Variants in ADAMTS16 observed in about 807,000 individuals in gnomAD.
ADAMTS16 encodes the protein A disintegrin and metalloproteinase with thrombospondin motifs 16.
ADAMTS16 carries 94 observed loss-of-function variants against 145.8 expected under a neutral mutation model. The observed-to-expected ratio is 0.64, with a 90% CI of 0.55 to 0.77. The LOEUF is 0.77. ADAMTS16 is among the 30% of genes least tolerant of loss of function. The probability of loss-of-function intolerance (pLI) is 0.00; values close to 1 mark genes in which losing one functional copy is unlikely to be tolerated. For synonymous variants in ADAMTS16, 659 were observed against 604.3 expected (o/e 1.09, Z -1.33); for missense variants, 1,585 against 1,591.5 (o/e 1.00, Z 0.07).
intron 3 of ADAMTS16, chr5:5,176,087 C>G (rs1223027288): frequency 6.6e-6 from 1 of 152,242 alleles, no homozygotes; most frequent in Non-Finnish European, 1.5e-5. Context: ...AAGCTTCTGT[C>G]TGGCCATCTG....
Position 5,146,171 on chromosome 5 carries a change from G to A in ADAMTS16, c.217G>A (p.Asp73Asn). Residue 73 changes from aspartate (D) to asparagine (N), a missense_variant, in exon 3 of 23, where the codon GAT (aspartate) becomes AAT (asparagine). Around this residue, in one of 3 missense-constraint regions of ADAMTS16, gnomAD observed 453 missense variants for 412.1 expected, o/e 1.10. Transcript: ENST00000274181. ...VSAYEVDHRG[D>N]YVSHEIMHHQ... is the part of the protein sequence containing the mutation. ...TGCCTACGAGGTTGACCACAGGGGCGATTACGTGTCCCATGAAATCATGCA... is the reference window on the plus strand; with the variant it reads ...TGCCTACGAGGTTGACCACAGGGGCAATTACGTGTCCCATGAAATCATGCA... 6.2e-7 allele frequency: 1 copy of A among 1,614,136 alleles called. No homozygotes were observed. Among genetic ancestry groups the A allele is most frequent in the Non-Finnish European group, 8.5e-7 (1 of 1,180,048 alleles).
At chr5:5,189,401 C>A (rs1735596117) in intron 6 of ADAMTS16, among the ~76,000 whole-genome samples, 1 of 152,204 alleles carries the variant, frequency 6.6e-6, no homozygotes, top group East Asian at 1.9e-4. Context: ...GCAAAGTCTC[C>A]TTTTAGTTGC....
chr5:5,157,542 C>T (rs114426823), intron 3 of ADAMTS16, among the ~76,000 whole-genome samples: 2,306 of 152,214 alleles, frequency 0.015, 56 homozygotes, highest in African/African-American at 0.052. Flanking sequence ...TCTGGTGGCT[C>T]TAATTTTCTG....
intron 8 of ADAMTS16, among the ~76,000 whole-genome samples, chr5:5,195,681 A>C (rs1735781265): frequency 6.6e-6 from 1 of 152,202 alleles, no homozygotes; most frequent in South Asian, 2.1e-4. Context: ...AAATATATTA[A>C]CTGTGTGCAG....
At chr5:5,168,818 T>C (rs565884275) in intron 3 of ADAMTS16, among the ~76,000 whole-genome samples, 5 of 148,388 alleles carry the variant, frequency 3.4e-5, no homozygotes, top group African/African-American at 1.2e-4. Flanking sequence ...AATTAACTAA[T>C]TGTTATAATC....
chr5:5,156,250 C>G (rs1184881579), intron 3 of ADAMTS16, among the ~76,000 whole-genome samples: 1 of 141,080 alleles, frequency 7.1e-6, no homozygotes, highest in Admixed American at 6.9e-5. Context: ...TGCCTACTAC[C>G]CTAAGTATTG....
chr5:5,319,986 A>G lies in ADAMTS16; in HGVS notation c.*848A>G, dbSNP rs773476268. On this transcript the variant is annotated 3_prime_UTR_variant, in exon 23 of 23. Transcript: ENST00000274181. ...TACATCAAAACCCTACCATCCTGAG[A>G]AGAGTTATGGTTCTATTATAGCAGA... 2.2e-6 allele frequency: 1 copy of G among 452,182 alleles called. No individual in the cohort carries two copies. Among genetic ancestry groups the G allele is most frequent in the Non-Finnish European group, 4.4e-6 (1 of 226,396 alleles). The allele number at this position is 452,182 out of a possible 1,614,324, so 28.0% of individuals were successfully genotyped here.
chr5:5,153,764 G>A (rs1252941543), intron 3 of ADAMTS16, among the ~76,000 whole-genome samples: 4 of 152,148 alleles, frequency 2.6e-5, no homozygotes, highest in Admixed American at 6.5e-5. Flanking sequence ...TCTGTCGACT[G>A]CCATTGGCAT....
In ADAMTS16 at chr5:5,290,405, A is replaced by G. The variant is rs1739263071; in HGVS notation, c.2790-12863A>G. Reference sequence around the variant, plus strand: ...CGTGGTGGCTCATGCGTGTAATCCCAGCACTTTGGGAGGCCGAGATGGGTG... The same window carrying G: ...CGTGGTGGCTCATGCGTGTAATCCCGGCACTTTGGGAGGCCGAGATGGGTG... On this transcript the variant is annotated intron_variant, in intron 18 of 22. Coordinates refer to ENST00000274181, the MANE Select transcript of ADAMTS16 (RefSeq NM_139056.4). 3.9e-5 allele frequency among the ~76,000 whole-genome samples: 6 copies of G among 152,208 alleles called. No homozygotes were observed. The South Asian group carries it at 1.0e-3, about 26-fold the overall frequency.
chr5:5,235,895 C>A (rs1560961549), intron 13 of ADAMTS16, among the ~76,000 whole-genome samples: 1 of 152,308 alleles, frequency 6.6e-6, no homozygotes, highest in East Asian at 1.9e-4. Flanking sequence ...TTCATCATCT[C>A]AGTGCATACA....
chr5:5,286,292 A>G (rs547075190), intron 18 of ADAMTS16, among the ~76,000 whole-genome samples: 1 of 152,346 alleles, frequency 6.6e-6, no homozygotes, highest in Non-Finnish European at 1.5e-5. Flanking sequence ...TTTGCAGCAT[A>G]GACCAATAAA....
intron 17 of ADAMTS16, among the ~76,000 whole-genome samples, chr5:5,247,499 C>G (rs1442011519): frequency 6.6e-6 from 1 of 152,038 alleles, no homozygotes; most frequent in Admixed American, 6.5e-5. Context: ...GCTCAGAGGT[C>G]CAGGGTAAAA....
At chr5:5,274,186 TTG>T (rs1177104653) in intron 18 of ADAMTS16, among the ~76,000 whole-genome samples, 4 of 152,136 alleles carry the variant, frequency 2.6e-5, no homozygotes, top group Admixed American at 2.6e-4. Context: ...TTGTAAAAAT[TTG>T]TGAGCCCACA....
intron 17 of ADAMTS16, among the ~76,000 whole-genome samples, chr5:5,255,545 C>T (rs1458979016): frequency 1.3e-5 from 2 of 152,182 alleles, no homozygotes; most frequent in Non-Finnish European, 2.9e-5. Flanking sequence ...TGGCCACAGA[C>T]CTTTGCATCT....
intron 10 of ADAMTS16, among the ~76,000 whole-genome samples, chr5:5,219,576 C>T (rs1314156393): frequency 2.0e-5 from 3 of 152,218 alleles, no homozygotes; most frequent in Non-Finnish European, 4.4e-5. Flanking sequence ...CAGACAAGTA[C>T]ATCTACAGGA....
At chr5:5,149,642 A>G (rs1734396512) in intron 3 of ADAMTS16, among the ~76,000 whole-genome samples, 1 of 152,234 alleles carries the variant, frequency 6.6e-6, no homozygotes, top group Admixed American at 6.5e-5. Context: ...GTATATTAAC[A>G]GAATTGTGCA....
At chr5:5,254,946 A>G (rs1319799065) in intron 17 of ADAMTS16, among the ~76,000 whole-genome samples, 1 of 152,166 alleles carries the variant, frequency 6.6e-6, no homozygotes, top group Non-Finnish European at 1.5e-5. Context: ...ATCTCCTAGC[A>G]TTTGGTAAAA....
In ADAMTS16 at chr5:5,318,914, G is replaced by A. The variant is rs536044484; in HGVS notation, c.3560-109G>A. On this transcript the variant is annotated intron_variant, in intron 22 of 22. Transcript: ENST00000274181. ...ACCTGGGGGCTGCCTCTCTGCAGCA[G>A]CCGCAGAGCGTGACAAATTCGCTTT... 5.5e-5 allele frequency: 43 copies of A among 776,694 alleles called. No homozygotes were observed. The South Asian group carries it at 7.0e-4, about 13-fold the overall frequency. The allele number at this position is 776,694 out of a possible 1,614,324, so 48.1% of individuals were successfully genotyped here. A position where few individuals can be genotyped will look rare whatever the true frequency, so the allele number is the denominator to read the frequency against.
intron 18 of ADAMTS16, among the ~76,000 whole-genome samples, chr5:5,300,581 A>G (rs1330504587): frequency 5.3e-5 from 8 of 152,232 alleles, no homozygotes; most frequent in Admixed American, 5.2e-4. Context: ...AAATAATTCA[A>G]GGCTTCTACA....
Sources: gnomAD v4.1 joint callset for allele counts (sites outside exome capture counted in the v4.1 genomes callset) on GRCh38, gnomAD v4.1.1 for gene constraint, gnomAD v4.1.1 regional missense constraint, MANE v1.5 for transcripts, NCBI Gene and HGNC (gene_info 2026-07-23, HGNC 2026-07-21) for gene names.